The following ANKFN1 variants were observed in gnomAD, a reference collection of about 807,000 sequenced individuals.
ANKFN1 encodes ankyrin repeat and fibronectin type-III domain-containing protein 1.
In ANKFN1, 74 loss-of-function variants were observed where a neutral mutation model predicts 108.7. The observed-to-expected ratio is 0.68, with a 90% CI of 0.56 to 0.83. The LOEUF (loss-of-function observed/expected upper bound fraction) is 0.83, where lower values mean the gene tolerates loss of function less well. Among genes scored for constraint, ANKFN1 ranks in the 40% least tolerant of loss-of-function variants. The probability of loss-of-function intolerance (pLI) is 0.00; values close to 1 mark genes in which losing one functional copy is unlikely to be tolerated. For synonymous variants in ANKFN1, 547 were observed against 516.2 expected (o/e 1.06, Z -0.81); for missense variants, 1,505 against 1,382.3 (o/e 1.09, Z -1.41).
chr17:56,349,948 G>A (rs1215175564), intron 4 of ANKFN1, among the ~76,000 whole-genome samples: 1 of 152,078 alleles, frequency 6.6e-6, no homozygotes, highest in East Asian at 1.9e-4. Flanking sequence ...ACACATGCCA[G>A]GCAGCCAGAG....
intron 10 of ANKFN1, among the ~76,000 whole-genome samples, chr17:56,443,965 T>C (rs989461773): frequency 6.6e-6 from 1 of 152,214 alleles, no homozygotes; most frequent in Non-Finnish European, 1.5e-5. Flanking sequence ...TTATACCAAC[T>C]GCCTTAAGAA....
intron 15 of ANKFN1, chr17:56,472,143 TA>T (rs2050339296): frequency 6.6e-6 from 1 of 152,252 alleles, no homozygotes; most frequent in Admixed American, 6.5e-5. Flanking sequence ...CAGCCTCAGC[TA>T]ATTACAGTGG....
chr17:56,057,642 C>T (rs548943760), intron 4 of ANKFN1, among the ~76,000 whole-genome samples: 3 of 152,174 alleles, frequency 2.0e-5, no homozygotes, highest in South Asian at 2.1e-4. Flanking sequence ...AAAAATTAGC[C>T]GGGTCTCATG....
chr17:56,096,753 C>A (rs1905542087), intron 4 of ANKFN1, among the ~76,000 whole-genome samples: 1 of 152,158 alleles, frequency 6.6e-6, no homozygotes, highest in Admixed American at 6.5e-5. Context: ...CCAGCAATCC[C>A]ATTATTGGGT....
intron 20 of ANKFN1, 25 bp downstream of exon 20, chr17:56,499,123 G>A (rs1353781991): frequency 3.3e-6 from 5 of 1,531,614 alleles, no homozygotes; most frequent in African/African-American, 1.4e-5. Context: ...CTGAAGTTCT[G>A]TTGTTTAGTC....
chr17:56,374,706 G>C lies in ANKFN1; in HGVS notation c.902G>C (p.Arg301Thr), dbSNP rs749079205. Residue 301 changes from arginine to threonine, a missense_variant, in exon 8 of 21, where the codon AGG becomes ACG. Transcript: ENST00000682825. Reference sequence around the variant, plus strand: ...AGCGTCAATGCAGCTGTAGTAACCAGGTATAAAGGTACTGGACCCAAGACA... The same window carrying C: ...AGCGTCAATGCAGCTGTAGTAACCACGTATAAAGGTACTGGACCCAAGACA... Reference protein sequence around the residue: ...PLSVNAAVVTRYKVEWSMSED... With the variant: ...PLSVNAAVVTTYKVEWSMSED... 9.3e-6 allele frequency: 15 copies of C among 1,611,238 alleles called. No individual in the cohort carries two copies. In the Admixed American group the frequency reaches 1.8e-4, roughly 20 times the overall value.
intron 2 of ANKFN1, among the ~76,000 whole-genome samples, chr17:56,222,243 G>A (rs1330411613): frequency 6.6e-6 from 1 of 152,148 alleles, no homozygotes; most frequent in South Asian, 2.1e-4. Context: ...TACACCCTCA[G>A]TTGAGGGGTT....
chr17:56,309,834 TTC>T (rs554755610), intron 3 of ANKFN1, among the ~76,000 whole-genome samples: 4 of 152,158 alleles, frequency 2.6e-5, no homozygotes, highest in African/African-American at 4.8e-5. Context: ...TGTAAATGTG[TTC>T]TCTCTCTCTC....
chr17:56,421,572 A>G (rs1042009936), intron 8 of ANKFN1, among the ~76,000 whole-genome samples: 7 of 152,230 alleles, frequency 4.6e-5, no homozygotes, highest in Non-Finnish European at 1.0e-4. Context: ...TAGGAAAAAT[A>G]CAAAACAAAG....
chr17:56,185,418 T>C (rs1293421058), intron 1 of ANKFN1, among the ~76,000 whole-genome samples: 1 of 152,168 alleles, frequency 6.6e-6, no homozygotes, highest in Non-Finnish European at 1.5e-5. Flanking sequence ...CTCCATAACC[T>C]TTATAACCCC....
chr17:56,475,798 T>C (rs1208934312), intron 15 of ANKFN1, among the ~76,000 whole-genome samples: 1 of 152,182 alleles, frequency 6.6e-6, no homozygotes, highest in Non-Finnish European at 1.5e-5. Flanking sequence ...ACCCTTGTTT[T>C]TTTGAAAACC....
intron 1 of ANKFN1, among the ~76,000 whole-genome samples, chr17:56,189,197 G>A (rs1912618578): frequency 2.2e-5 from 1 of 46,078 alleles, no homozygotes; most frequent in Non-Finnish European, 3.2e-5. Flanking sequence ...TTGAGACGGA[G>A]TCTCGCTCTG....
At chr17:56,457,469 G>A in intron 13 of ANKFN1, 80 bp downstream of exon 13, 1 of 1,407,956 alleles carries the variant, frequency 7.1e-7, no homozygotes, top group East Asian at 2.4e-5. Context: ...TTAGTTGAGG[G>A]GTCTCCAGCG....
chr17:56,330,118 A>C (rs1196952205), intron 4 of ANKFN1, among the ~76,000 whole-genome samples: 2 of 152,198 alleles, frequency 1.3e-5, no homozygotes, highest in Non-Finnish European at 2.9e-5. Flanking sequence ...AGTGTTATAG[A>C]AGTGTATTAG....
intron 3 of ANKFN1, among the ~76,000 whole-genome samples, chr17:56,281,465 A>G (rs2044081195): frequency 6.6e-6 from 1 of 152,174 alleles, no homozygotes; most frequent in African/African-American, 2.4e-5. Flanking sequence ...TATAAGATAA[A>G]CCATTTGCAA....
chr17:56,225,735 A>C (rs1916220525), intron 2 of ANKFN1, among the ~76,000 whole-genome samples: 1 of 152,262 alleles, frequency 6.6e-6, no homozygotes, highest in South Asian at 2.1e-4. Context: ...CTCTGGTCTG[A>C]AAAAGCACAC....
intron 4 of ANKFN1, among the ~76,000 whole-genome samples, chr17:56,339,636 C>G (rs1392786315): frequency 6.6e-6 from 1 of 152,044 alleles, no homozygotes; most frequent in Non-Finnish European, 1.5e-5. Flanking sequence ...AGGTCATAAT[C>G]TTGTTCTTTT....
At chr17:56,297,581 G>A (rs1261069908) in intron 3 of ANKFN1, among the ~76,000 whole-genome samples, 1 of 152,228 alleles carries the variant, frequency 6.6e-6, no homozygotes, top group East Asian at 1.9e-4. Flanking sequence ...CATTGTAGAA[G>A]TCACTGGTAG....
intron 3 of ANKFN1, among the ~76,000 whole-genome samples, chr17:56,268,645 G>A (rs953617860): frequency 6.6e-6 from 1 of 151,268 alleles, no homozygotes; most frequent in African/African-American, 2.4e-5. Flanking sequence ...ATCAAAGGTT[G>A]GTTTTTTGAA....
Sources: gnomAD v4.1 joint callset for allele counts (sites outside exome capture counted in the v4.1 genomes callset) on GRCh38, gnomAD v4.1.1 for gene constraint, MANE v1.5 for transcripts, NCBI Gene and HGNC (gene_info 2026-07-23, HGNC 2026-07-21) for gene names.